Variants in VPS41 observed in about 807,000 individuals in gnomAD.
VPS41 encodes VPS41 subunit of HOPS complex.
VPS41 carries 85 observed loss-of-function variants against 130.9 expected under a neutral mutation model. The ratio of observed to expected loss-of-function variants is 0.65; its 90% CI spans 0.55 to 0.78. The LOEUF (loss-of-function observed/expected upper bound fraction) is 0.78, where lower values mean the gene tolerates loss of function less well. VPS41 is among the 30% of genes least tolerant of loss of function. The pLI, the probability that VPS41 is intolerant of heterozygous loss-of-function variation, is 0.00. For missense variants in VPS41, 874 were observed against 1,018.7 expected, an observed-to-expected ratio of 0.86 and a Z score of 1.93; for synonymous variants, 335 against 332.9, an observed-to-expected ratio of 1.01 and a Z score of -0.07.
At chr7:38,774,538 T>C (rs1412298403) in intron 11 of VPS41, among the ~76,000 whole-genome samples, 2 of 151,856 alleles carry the variant, frequency 1.3e-5, no homozygotes, top group Non-Finnish European at 2.9e-5. Flanking sequence ...TTGCTAAACT[T>C]TGAAACAACT....
chr7:38,867,234 T>G (rs914892707), intron 3 of VPS41, among the ~76,000 whole-genome samples: 4 of 152,100 alleles, frequency 2.6e-5, no homozygotes, highest in African/African-American at 9.7e-5. Flanking sequence ...AACAAAAGAT[T>G]CATGAATAGG....
chr7:38,894,373 A>G (rs1237915408), intron 2 of VPS41, among the ~76,000 whole-genome samples: 1 of 151,960 alleles, frequency 6.6e-6, no homozygotes, highest in Non-Finnish European at 1.5e-5. Flanking sequence ...GCTGGTCCAT[A>G]AACTCAGTAG....
At chr7:38,819,155 T>C (rs1309205750) in intron 6 of VPS41, among the ~76,000 whole-genome samples, 1 of 152,206 alleles carries the variant, frequency 6.6e-6, no homozygotes, top group Non-Finnish European at 1.5e-5. Flanking sequence ...TCCCTTCAGA[T>C]GTAAGAAAAT....
intron 7 of VPS41, 125 bp downstream of exon 7, chr7:38,817,692 A>G: frequency 1.2e-6 from 1 of 828,692 alleles, no homozygotes; most frequent in Non-Finnish European, 2.1e-6. Context: ...AGATTTCATT[A>G]CATTTGTCTT....
At chr7:38,906,245 A>G (rs1375415587) in intron 1 of VPS41, among the ~76,000 whole-genome samples, 1 of 152,214 alleles carries the variant, frequency 6.6e-6, no homozygotes, top group Non-Finnish European at 1.5e-5. Context: ...AAAGGATAAG[A>G]TTAGGTACAA....
intron 2 of VPS41, among the ~76,000 whole-genome samples, chr7:38,881,797 G>C (rs1446151662): frequency 6.6e-6 from 1 of 152,108 alleles, no homozygotes; most frequent in African/African-American, 2.4e-5. Flanking sequence ...CATAATTGTT[G>C]AGACGATTAA....
chr7:38,830,069 C>G (rs979693835), intron 5 of VPS41, among the ~76,000 whole-genome samples, 185 bp downstream of exon 5: 7 of 152,240 alleles, frequency 4.6e-5, no homozygotes, highest in African/African-American at 1.7e-4. Context: ...CTTGTAATTA[C>G]TTTTCCTAAG....
chr7:38,886,907 A>T (rs1362580098), intron 2 of VPS41, among the ~76,000 whole-genome samples: 1 of 152,212 alleles, frequency 6.6e-6, no homozygotes, highest in Non-Finnish European at 1.5e-5. Context: ...GACCTCTAGC[A>T]AACTGCAACA....
Position 38,776,666 on chromosome 7 carries a change from A to G in VPS41, c.882+13T>C, listed in dbSNP as rs780867194. 2 of 1,516,504 alleles carry G rather than the reference A, an allele frequency of 1.3e-6. No homozygotes were observed. The highest frequency in any genetic ancestry group is 2.3e-5 in the East Asian group (1 of 44,240). 93.9% of individuals were successfully genotyped at this position (1,516,504 alleles called of 1,614,324 possible). ...CCCCCACATGCCTTTGTATCTGGGG[A>G]GAAAATAATTACCGTTTTTTCTGAA... On this transcript the variant is annotated intron_variant, in intron 11 of 28. Transcript: ENST00000310301.
chr7:38,854,755 A>G (rs1329268172), intron 4 of VPS41, among the ~76,000 whole-genome samples: 1 of 152,102 alleles, frequency 6.6e-6, no homozygotes, highest in Admixed American at 6.6e-5. Context: ...GCAGAGATAA[A>G]TTACACAAAC....
At chr7:38,889,613 A>G (rs1786817461) in intron 2 of VPS41, among the ~76,000 whole-genome samples, 1 of 151,936 alleles carries the variant, frequency 6.6e-6, no homozygotes, top group South Asian at 2.1e-4. Flanking sequence ...CTCTCATATT[A>G]AAAAATTTAA....
At chr7:38,816,227 C>T (rs1182297521) in intron 7 of VPS41, among the ~76,000 whole-genome samples, 2 of 152,126 alleles carry the variant, frequency 1.3e-5, no homozygotes, top group Non-Finnish European at 2.9e-5. Flanking sequence ...AATGCAACTA[C>T]AGCCTAAGAA....
chr7:38,751,503 G>A (rs892077329), intron 22 of VPS41, among the ~76,000 whole-genome samples: 2 of 152,122 alleles, frequency 1.3e-5, no homozygotes, highest in African/African-American at 4.8e-5. Context: ...TATTTAGCCC[G>A]AACTAGGATC....
At chr7:38,852,723 C>T (rs549560444) in intron 4 of VPS41, among the ~76,000 whole-genome samples, 1 of 152,236 alleles carries the variant, frequency 6.6e-6, no homozygotes, top group African/African-American at 2.4e-5. Flanking sequence ...TTGAAGTATA[C>T]CCTGTCATGG....
At chr7:38,769,455 C>T (rs1440497196) in intron 14 of VPS41, among the ~76,000 whole-genome samples, 1 of 152,204 alleles carries the variant, frequency 6.6e-6, no homozygotes, top group African/African-American at 2.4e-5. Flanking sequence ...TGTGCAGAAA[C>T]TGAGACTCAA....
In VPS41 at chr7:38,763,447, C is replaced by T. The variant is rs1783964827; in HGVS notation, c.1422+8G>A. ...ACAAGTAAATATGACCACATCAGAA[C>T]ACCATACCTCATAATCACTCTCCAA... On this transcript the variant is annotated splice_region_variant and intron_variant, in intron 17 of 28. Transcript: ENST00000310301. 1.9e-6 allele frequency: 3 copies of T among 1,576,656 alleles called. No individual in the cohort carries two copies. The highest frequency in any genetic ancestry group is 1.7e-6 in the Non-Finnish European group (2 of 1,158,902).
intron 11 of VPS41, chr7:38,775,649 G>A (rs1338398222): frequency 1.3e-5 from 2 of 152,238 alleles, no homozygotes; most frequent in East Asian, 3.9e-4. Context: ...GTAGGTCTGA[G>A]TGTTCACTTA....
chr7:38,909,016 C>G, intron 1 of VPS41, 138 bp downstream of exon 1: 6 of 953,052 alleles, frequency 6.3e-6, no homozygotes, highest in African/African-American at 1.6e-5. Context: ...CTTTCGCCAT[C>G]CCACCCCGCC....
chr7:38,790,504 A>C (rs1051768834), intron 9 of VPS41, among the ~76,000 whole-genome samples: 2 of 152,196 alleles, frequency 1.3e-5, no homozygotes, highest in Non-Finnish European at 2.9e-5. Flanking sequence ...TTCAGGAAAA[A>C]AAAAAATTCT....
Sources: allele counts gnomAD v4.1 joint callset (sites outside exome capture counted in the v4.1 genomes callset), GRCh38; gene constraint gnomAD v4.1.1; transcripts MANE v1.5; gene names NCBI Gene and HGNC (gene_info 2026-07-23, HGNC 2026-07-21).